Variants in TMEM209 observed in about 807,000 individuals in gnomAD.
TMEM209 encodes the protein testicular tissue protein Li 202.
In TMEM209, 65 loss-of-function variants were observed where a neutral mutation model predicts 76.2. The ratio of observed to expected loss-of-function variants is 0.85; its 90% confidence interval spans 0.70 to 1.05. The LOEUF is 1.05. Among genes scored for constraint, TMEM209 ranks in the 50% least tolerant of loss-of-function variants. The probability of loss-of-function intolerance (pLI) is 0.00; values close to 1 mark genes in which losing one functional copy is unlikely to be tolerated. For missense variants in TMEM209, 623 were observed against 685.5 expected, an observed-to-expected ratio of 0.91 and a Z score of 1.02; for synonymous variants, 239 against 237.6, an observed-to-expected ratio of 1.01 and a Z score of -0.06.
chr7:130,186,136 G>A (rs568555273), intron 6 of TMEM209, among the ~76,000 whole-genome samples: 2 of 151,974 alleles, frequency 1.3e-5, no homozygotes, highest in South Asian at 4.2e-4. Flanking sequence ...ATTTATGAAG[G>A]GCTTATATTT....
At position 130,165,426 on chromosome 7, in the gene TMEM209, A is replaced by G. The variant is rs1796850783; in HGVS notation, c.*1025T>C. ...ATATCACTGTGATCTTAAAAAGAGA[A>G]CTTTAAAAATAACACATTATGGAAT... On this transcript the variant is annotated 3_prime_UTR_variant, in exon 15 of 15. Coordinates refer to ENST00000397622, the MANE Select transcript of TMEM209 (RefSeq NM_032842.4). 1 of 152,152 alleles carries G rather than the reference A, an allele frequency of 6.6e-6. No homozygotes were observed. Among genetic ancestry groups the G allele is most frequent in the African/African-American group, 2.4e-5 (1 of 41,420 alleles). The allele number at this position is 152,152 out of a possible 1,614,324, so 9.4% of individuals were successfully genotyped here. A position where few individuals can be genotyped will look rare whatever the true frequency, so the allele number is the denominator to read the frequency against.
rs1796853323 is a variant in TMEM209, at chr7:130,165,507, A to G, written c.*944T>C. On this transcript the variant is annotated 3_prime_UTR_variant, in exon 15 of 15. Coordinates refer to ENST00000397622, the MANE Select transcript of TMEM209 (RefSeq NM_032842.4). ...TAAACAGTTTTCCTGATGTCCTCACACTCTTAACTAAAACCCAAATTAAAA... is the reference window on the plus strand; with the variant it reads ...TAAACAGTTTTCCTGATGTCCTCACGCTCTTAACTAAAACCCAAATTAAAA... The G allele has an allele frequency of 1.3e-5, 2 of 152,136 alleles. No homozygotes were observed. Among genetic ancestry groups the G allele is most frequent in the African/African-American group, 4.8e-5 (2 of 41,444 alleles). The allele number at this position is 152,136 out of a possible 1,614,324, so 9.4% of individuals were successfully genotyped here. A position where few individuals can be genotyped will look rare whatever the true frequency, so the allele number is the denominator to read the frequency against.
intron 6 of TMEM209, 194 bp downstream of exon 6, chr7:130,192,428 T>C (rs1166965507): frequency 9.0e-6 from 5 of 557,236 alleles, no homozygotes; most frequent in Non-Finnish European, 1.6e-5. Flanking sequence ...TGAGATTTCT[T>C]AGTTTAGCTA....
intron 3 of TMEM209, 42 bp downstream of exon 3, chr7:130,203,746 T>C (rs956794497): frequency 6.5e-7 from 1 of 1,527,036 alleles, no homozygotes; most frequent in Non-Finnish European, 8.9e-7. Flanking sequence ...AAGGCAGTTT[T>C]TTATTGGTAA....
intron 14 of TMEM209, among the ~76,000 whole-genome samples, chr7:130,167,638 G>A (rs1796923286): frequency 6.6e-6 from 1 of 152,082 alleles, no homozygotes; most frequent in Non-Finnish European, 1.5e-5. Flanking sequence ...AAACTTTACA[G>A]TGTCTTTTCC....
intron 13 of TMEM209, 40 bp from the exon 14 acceptor site, chr7:130,170,513 A>G: frequency 2.0e-6 from 3 of 1,513,796 alleles, no homozygotes; most frequent in Non-Finnish European, 2.7e-6. Context: ...AAACCAAATG[A>G]AAAAGATTCA....
At chr7:130,167,134 A>G (rs1796907724) in intron 14 of TMEM209, among the ~76,000 whole-genome samples, 1 of 152,114 alleles carries the variant, frequency 6.6e-6, no homozygotes, top group Middle Eastern at 3.2e-3. Flanking sequence ...TACCTCTATT[A>G]TTTGGAACTA....
intron 5 of TMEM209, among the ~76,000 whole-genome samples, chr7:130,198,316 TA>T: frequency 6.6e-6 from 1 of 152,092 alleles, no homozygotes. Context: ...TTTTATTTTT[TA>T]AAACAAAAAT....
In TMEM209 at chr7:130,202,645, A is replaced by G; in HGVS notation, c.218T>C (p.Leu73Pro). ...LWYIELALAS[L>P]FSLNALFDFW... ...ATCAAATAAGGCATTAAGGCTGAAG[A>G]GAGATGCAAGGGCAAGCTCTGGAAG... is the stretch of plus-strand genomic sequence containing the variant. Residue 73 changes from leucine (L) to proline (P), a missense_variant, in exon 4 of 15, where the codon CTC becomes CCC. Coordinates refer to ENST00000397622, the MANE Select transcript of TMEM209 (RefSeq NM_032842.4). The G allele has an allele frequency of 1.2e-6, 2 of 1,613,504 alleles. No homozygotes were observed. Among genetic ancestry groups the G allele is most frequent in the Non-Finnish European group, 1.7e-6 (2 of 1,179,692 alleles).
chr7:130,193,441 G>A (rs754472519), intron 5 of TMEM209, among the ~76,000 whole-genome samples: 2 of 152,028 alleles, frequency 1.3e-5, no homozygotes, highest in Non-Finnish European at 2.9e-5. Flanking sequence ...GGGAGGCTGA[G>A]GCAGGAGAAT....
chr7:130,174,934 GA>G (rs1797186404), intron 11 of TMEM209, among the ~76,000 whole-genome samples: 1 of 151,482 alleles, frequency 6.6e-6, no homozygotes, highest in African/African-American at 2.4e-5. Context: ...TACAGAAGTG[GA>G]AAAAAAGCAG....
intron 9 of TMEM209, among the ~76,000 whole-genome samples, chr7:130,180,959 T>C (rs567152131): frequency 1.2e-4 from 19 of 152,272 alleles, no homozygotes; most frequent in Admixed American, 5.9e-4. Context: ...CACCCCTAGG[T>C]ATATACCCAG....
Position 130,202,679 on chromosome 7 carries a change from T to A in TMEM209, c.200-16A>T, listed in dbSNP as rs779826845. The A allele has an allele frequency of 6.2e-7, 1 of 1,606,500 alleles. No individual in the cohort carries two copies. Among genetic ancestry groups the A allele is most frequent in the Non-Finnish European group, 8.5e-7 (1 of 1,176,960 alleles). ...AGGGCAAGCTCTGGAAGAGAACAAT[T>A]TTTTTTTAATAAGGGGGGTGAGGAG... On this transcript the variant is annotated splice_polypyrimidine_tract_variant and intron_variant, in intron 3 of 14. Transcript: ENST00000397622.
chr7:130,182,201 C>G (rs936554805), intron 8 of TMEM209: 9 of 152,842 alleles, frequency 5.9e-5, no homozygotes, highest in African/African-American at 1.9e-4. Flanking sequence ...CTCAGCCTCC[C>G]AAAGTGCTGA....
chr7:130,192,971 A>T (rs1584689243), intron 5 of TMEM209, 148 bp from the exon 6 acceptor site: 1 of 728,860 alleles, frequency 1.4e-6, no homozygotes, highest in Non-Finnish European at 2.2e-6. Flanking sequence ...GGAACAACAG[A>T]ATCTCTCATT....
intron 3 of TMEM209, among the ~76,000 whole-genome samples, chr7:130,203,237 GAGTT>G (rs1380107646): frequency 7.9e-5 from 12 of 152,302 alleles, no homozygotes; most frequent in East Asian, 3.9e-4. Flanking sequence ...CAAGAGTAGA[GAGTT>G]AGTTAGTGAA....
chr7:130,185,494 C>G, intron 6 of TMEM209, 127 bp from the exon 7 acceptor site: 1 of 770,996 alleles, frequency 1.3e-6, no homozygotes, highest in East Asian at 2.5e-5. Flanking sequence ...TCTCTTCTCC[C>G]CAACATAATT....
intron 9 of TMEM209, among the ~76,000 whole-genome samples, chr7:130,180,961 T>G (rs988183597): frequency 3.9e-5 from 6 of 152,190 alleles, no homozygotes; most frequent in African/African-American, 1.4e-4. Context: ...CCCCTAGGTA[T>G]ATACCCAGGA....
In TMEM209 at chr7:130,185,269, G is replaced by C. The variant is rs993113562; in HGVS notation, c.874C>G (p.Gln292Glu). ...GGGGCCTGAGACCTACAGGCAAGCT[G>C]ATACTGAAACTTCTTTAAAGTTTGT... Reference protein sequence around the residue: ...YAQTLKKFQYQLACRSQAPCA... With the variant: ...YAQTLKKFQYELACRSQAPCA... Residue 292 changes from glutamine (Q) to glutamate (E), a missense_variant, in exon 7 of 15, where the codon CAG (glutamine) becomes GAG (glutamate). By Grantham distance (29) the Gln-to-Glu change is conservative. Coordinates refer to ENST00000397622, the MANE Select transcript of TMEM209 (RefSeq NM_032842.4). 6.2e-7 allele frequency: 1 copy of C among 1,614,026 alleles called. No homozygotes were observed. Among genetic ancestry groups the C allele is most frequent in the Non-Finnish European group, 8.5e-7 (1 of 1,179,894 alleles).
Sources: gnomAD v4.1 joint callset for allele counts (sites outside exome capture counted in the v4.1 genomes callset) on GRCh38, gnomAD v4.1.1 for gene constraint, MANE v1.5 for transcripts, NCBI Gene and HGNC (gene_info 2026-07-23, HGNC 2026-07-21) for gene names.